DLG2: variants seen among roughly 807,000 people sequenced by gnomAD.
DLG2 encodes the protein discs large MAGUK scaffold protein 2.
A neutral mutation model predicts 132.5 loss-of-function variants in DLG2; 45 were observed. The ratio of observed to expected loss-of-function variants is 0.34; its 90% CI spans 0.27 to 0.44. DLG2 has a LOEUF of 0.44. Among genes scored for constraint, DLG2 ranks in the 20% least tolerant of loss-of-function variants. The pLI, the probability that DLG2 is intolerant of heterozygous loss-of-function variation, is 1.00. For synonymous variants in DLG2, 424 were observed against 419.6 expected, an observed-to-expected ratio of 1.01 and a Z score of -0.13; for missense variants, 1,045 against 1,196.9, an observed-to-expected ratio of 0.87 and a Z score of 1.87.
chr11:84,703,220 A>G (rs1056520746), intron 6 of DLG2, among the ~76,000 whole-genome samples: 1 of 151,632 alleles, frequency 6.6e-6, no homozygotes, highest in East Asian at 1.9e-4. Context: ...CCTTCTTTCA[A>G]AAAAATGAAT....
chr11:84,985,142 C>T (rs930362735), intron 6 of DLG2, among the ~76,000 whole-genome samples: 1 of 152,150 alleles, frequency 6.6e-6, no homozygotes, highest in Non-Finnish European at 1.5e-5. Context: ...AACATATTTA[C>T]AGAACATTTT....
chr11:85,544,903 G>T (rs2076210086), intron 3 of DLG2, among the ~76,000 whole-genome samples: 1 of 152,164 alleles, frequency 6.6e-6, no homozygotes. Flanking sequence ...AGATGATGGG[G>T]TTTTCTAAAT....
chr11:85,105,325 C>T (rs1305865056), intron 6 of DLG2, among the ~76,000 whole-genome samples: 1 of 151,818 alleles, frequency 6.6e-6, no homozygotes, highest in Non-Finnish European at 1.5e-5. Flanking sequence ...ATTACCATTC[C>T]CAGCAGAGTC....
At chr11:83,478,478 G>C (rs896464006) in intron 22 of DLG2, among the ~76,000 whole-genome samples, 5 of 151,970 alleles carry the variant, frequency 3.3e-5, no homozygotes, top group Admixed American at 2.6e-4. Flanking sequence ...TGTGCAACTA[G>C]TATTTAGAGT....
At chr11:84,382,770 CA>C (rs1477317046) in intron 7 of DLG2, among the ~76,000 whole-genome samples, 1 of 151,730 alleles carries the variant, frequency 6.6e-6, no homozygotes, top group East Asian at 1.9e-4. Flanking sequence ...TTTAAATACA[CA>C]AAAAATACTC....
intron 8 of DLG2, among the ~76,000 whole-genome samples, chr11:84,220,807 G>A (rs1156706596): frequency 1.5e-5 from 2 of 132,088 alleles, no homozygotes; most frequent in African/African-American, 5.8e-5. Flanking sequence ...TTTTTGACAG[G>A]GTCTAGCTCT....
chr11:85,024,158 T>C (rs1000373939), intron 6 of DLG2, among the ~76,000 whole-genome samples: 1 of 152,080 alleles, frequency 6.6e-6, no homozygotes, highest in Non-Finnish European at 1.5e-5. Context: ...GAAGATCAAA[T>C]ATAATATATG....
At chr11:84,720,172 A>T (rs1242368533) in intron 6 of DLG2, 1 of 783,476 alleles carries the variant, frequency 1.3e-6, no homozygotes. Context: ...GGCTCCCAGA[A>T]AGAGCAGAGC....
chr11:84,875,680 A>C (rs2086234033), intron 6 of DLG2, among the ~76,000 whole-genome samples: 1 of 152,178 alleles, frequency 6.6e-6, no homozygotes, highest in South Asian at 2.1e-4. Flanking sequence ...GCTGTCATAT[A>C]AGATCTAAAA....
chr11:83,714,816 G>A (rs1251772343), intron 18 of DLG2, among the ~76,000 whole-genome samples: 1 of 152,206 alleles, frequency 6.6e-6, no homozygotes, highest in Non-Finnish European at 1.5e-5. Context: ...GTTGGTGGGA[G>A]TGTAAATTAG....
chr11:83,703,230 A>C (rs2083277963), intron 18 of DLG2, among the ~76,000 whole-genome samples: 1 of 152,220 alleles, frequency 6.6e-6, no homozygotes, highest in Non-Finnish European at 1.5e-5. Context: ...CAAATTCTAT[A>C]ATCTGGATCC....
intron 9 of DLG2, among the ~76,000 whole-genome samples, chr11:84,100,464 T>C (rs1402187171): frequency 6.6e-6 from 1 of 151,520 alleles, no homozygotes; most frequent in African/African-American, 2.4e-5. Flanking sequence ...CAGCTACATA[T>C]GTTTTCATGG....
intron 7 of DLG2, among the ~76,000 whole-genome samples, chr11:84,426,566 T>C (rs2098967283): frequency 6.6e-6 from 1 of 152,254 alleles, no homozygotes; most frequent in South Asian, 2.1e-4. Context: ...CATAAAATCA[T>C]AGAGTAGTGA....
At chr11:83,614,986 C>T (rs764146934) in intron 19 of DLG2, among the ~76,000 whole-genome samples, 10 of 152,194 alleles carry the variant, frequency 6.6e-5, no homozygotes, top group Non-Finnish European at 1.3e-4. Context: ...GCAGATCATT[C>T]AGCATTTCTT....
chr11:85,260,945 C>T (rs992033184), intron 4 of DLG2, among the ~76,000 whole-genome samples: 1 of 152,160 alleles, frequency 6.6e-6, no homozygotes, highest in Non-Finnish European at 1.5e-5. Context: ...AGGTTAAAAG[C>T]TGTTGGAAAC....
At chr11:84,360,883 T>C (rs1220596186) in intron 7 of DLG2, among the ~76,000 whole-genome samples, 1 of 151,840 alleles carries the variant, frequency 6.6e-6, no homozygotes, top group Non-Finnish European at 1.5e-5. Flanking sequence ...TAAAAATGTA[T>C]ACAAAAACAT....
intron 7 of DLG2, among the ~76,000 whole-genome samples, chr11:84,336,798 T>C (rs906861662): frequency 6.6e-6 from 1 of 152,284 alleles, no homozygotes; most frequent in African/African-American, 2.4e-5. Context: ...TGGCTGACTA[T>C]AGCAGAAACA....
intron 18 of DLG2, among the ~76,000 whole-genome samples, chr11:83,745,551 C>A (rs889068983): frequency 6.6e-6 from 1 of 152,114 alleles, no homozygotes; most frequent in African/African-American, 2.4e-5. Context: ...TGGCTGTAAT[C>A]CCAGCGCTTT....
At chr11:84,218,404 G>GGAAA (rs2096868721) in intron 8 of DLG2, among the ~76,000 whole-genome samples, 1 of 151,550 alleles carries the variant, frequency 6.6e-6, no homozygotes, top group Admixed American at 6.6e-5. Context: ...GAGGGAGGAA[G>GGAAA]GAAGGAAGGA....
Sources: gnomAD v4.1 joint callset for allele counts (sites outside exome capture counted in the v4.1 genomes callset) on GRCh38, gnomAD v4.1.1 for gene constraint, MANE v1.5 for transcripts, NCBI Gene and HGNC (gene_info 2026-07-23, HGNC 2026-07-21) for gene names.